GRM1: variants seen among roughly 807,000 people sequenced by gnomAD.
The protein encoded by GRM1 is glutamate metabotropic receptor 1.
Under a neutral mutation model 90.9 loss-of-function variants are expected in GRM1, and 33 were observed. The ratio of observed to expected loss-of-function variants is 0.36; its 90% CI spans 0.28 to 0.49. GRM1 has a LOEUF of 0.49. Ranked by LOEUF, GRM1 falls within the 20% of genes least tolerant of loss-of-function variation. The pLI is 0.99. For synonymous variants in GRM1, 700 were observed against 613.2 expected, an observed-to-expected ratio of 1.14 and a Z score of -2.09; for missense variants, 1,190 against 1,534.3, an observed-to-expected ratio of 0.78 and a Z score of 3.75.
At chr6:146,152,536 A>T (rs1379541244) in intron 1 of GRM1, among the ~76,000 whole-genome samples, 8 of 152,082 alleles carry the variant, frequency 5.3e-5, no homozygotes, top group Non-Finnish European at 1.2e-4. Context: ...CTTCCAATTA[A>T]GATCCTAGAT....
chr6:146,336,365 C>A (rs1446022770), intron 3 of GRM1, among the ~76,000 whole-genome samples: 1 of 152,166 alleles, frequency 6.6e-6, no homozygotes, highest in Non-Finnish European at 1.5e-5. Flanking sequence ...AATGTCTCAG[C>A]TGGAGAGAAG....
chr6:146,082,395 A>G (rs1251720533), intron 1 of GRM1, among the ~76,000 whole-genome samples: 3 of 152,134 alleles, frequency 2.0e-5, no homozygotes, highest in African/African-American at 7.2e-5. Context: ...ACCTCAGTTG[A>G]TCCACCTGCC....
At chr6:146,292,150 T>C (rs995845735) in intron 2 of GRM1, among the ~76,000 whole-genome samples, 1 of 152,044 alleles carries the variant, frequency 6.6e-6, no homozygotes. Flanking sequence ...CAAAAATTAA[T>C]TCAGTATAAC....
chr6:146,289,347 TA>T (rs1361151980), intron 2 of GRM1, among the ~76,000 whole-genome samples: 1 of 152,104 alleles, frequency 6.6e-6, no homozygotes, highest in Non-Finnish European at 1.5e-5. Context: ...TTAAAAAGTT[TA>T]AAAAGTGACG....
intron 1 of GRM1, among the ~76,000 whole-genome samples, chr6:146,146,410 TA>T (rs943311973): frequency 6.6e-6 from 1 of 152,110 alleles, no homozygotes; most frequent in Non-Finnish European, 1.5e-5. Flanking sequence ...TGAAATTAGA[TA>T]ACCTGCTTTG....
intron 2 of GRM1, among the ~76,000 whole-genome samples, chr6:146,173,875 C>T (rs1256177732): frequency 1.1e-4 from 16 of 151,972 alleles, no homozygotes. Flanking sequence ...CCAAACTGGT[C>T]TCAAACTCCT....
intron 3 of GRM1, among the ~76,000 whole-genome samples, chr6:146,320,445 G>A (rs1784135304): frequency 6.6e-6 from 1 of 152,110 alleles, no homozygotes; most frequent in Non-Finnish European, 1.5e-5. Context: ...TTGTGTCTCT[G>A]CCAGATTTTG....
chr6:146,148,187 G>A (rs1480076231), intron 1 of GRM1, among the ~76,000 whole-genome samples: 1 of 151,962 alleles, frequency 6.6e-6, no homozygotes, highest in Non-Finnish European at 1.5e-5. Flanking sequence ...TGCTTGGCAT[G>A]GCATTCAGTT....
At chr6:146,165,508 T>C (rs1436453125) in intron 2 of GRM1, among the ~76,000 whole-genome samples, 2 of 152,124 alleles carry the variant, frequency 1.3e-5, no homozygotes, top group Admixed American at 6.6e-5. Flanking sequence ...TCTCCAAAAA[T>C]GGATTATAAT....
chr6:146,339,859 C>T (rs1784907970), intron 3 of GRM1, among the ~76,000 whole-genome samples: 1 of 152,194 alleles, frequency 6.6e-6, no homozygotes, highest in African/African-American at 2.4e-5. Context: ...GCTTCTGTAA[C>T]TTGTACCACC....
intron 1 of GRM1, among the ~76,000 whole-genome samples, chr6:146,118,549 G>T (rs946364037): frequency 6.6e-6 from 1 of 152,078 alleles, no homozygotes; most frequent in African/African-American, 2.4e-5. Context: ...CCATTAACTC[G>T]TCATTTACAT....
chr6:146,360,976 T>C (rs908387732), intron 5 of GRM1, among the ~76,000 whole-genome samples: 2 of 152,252 alleles, frequency 1.3e-5, no homozygotes, highest in Admixed American at 1.3e-4. Context: ...CTTGGACTAT[T>C]GGAGGAAGGA....
intron 6 of GRM1, among the ~76,000 whole-genome samples, chr6:146,395,486 C>T (rs1391171807): frequency 3.3e-5 from 5 of 152,036 alleles, no homozygotes; most frequent in Non-Finnish European, 7.4e-5. Context: ...TTAAATGTTA[C>T]ACCACTGGGT....
chr6:146,149,736 GA>G (rs1777251114), intron 1 of GRM1, among the ~76,000 whole-genome samples: 1 of 152,132 alleles, frequency 6.6e-6, no homozygotes, highest in African/African-American at 2.4e-5. Flanking sequence ...AGAGGACAAA[GA>G]TTACTTGGCC....
At chr6:146,106,874 A>T (rs1244126254) in intron 1 of GRM1, among the ~76,000 whole-genome samples, 2 of 152,228 alleles carry the variant, frequency 1.3e-5, no homozygotes, top group Non-Finnish European at 2.9e-5. Flanking sequence ...TAGCATGACG[A>T]TATGCACAGA....
chr6:146,122,172 A>G (rs1217241286), intron 1 of GRM1, among the ~76,000 whole-genome samples: 2 of 152,192 alleles, frequency 1.3e-5, no homozygotes, highest in African/African-American at 4.8e-5. Context: ...ATTTTTGTCT[A>G]GATAAAAATC....
chr6:146,080,760 T>C (rs1301016844), intron 1 of GRM1, among the ~76,000 whole-genome samples: 1 of 152,174 alleles, frequency 6.6e-6, no homozygotes, highest in Non-Finnish European at 1.5e-5. Flanking sequence ...TGTTCCCAAC[T>C]GTGGGTCGGA....
chr6:146,426,506 A>G, intron 7 of GRM1: 1 of 1,544,908 alleles, frequency 6.5e-7, no homozygotes, highest in Non-Finnish European at 8.8e-7. Flanking sequence ...CCATATCTGT[A>G]CACATGTATA....
intron 1 of GRM1, among the ~76,000 whole-genome samples, chr6:146,146,402 A>G (rs531035842): frequency 8.5e-5 from 13 of 152,062 alleles, no homozygotes; most frequent in Non-Finnish European, 1.6e-4. Flanking sequence ...TTGTATCTTG[A>G]AATTAGATAA....
Sources: gnomAD v4.1 joint callset for allele counts (sites outside exome capture counted in the v4.1 genomes callset) on GRCh38, gnomAD v4.1.1 for gene constraint, MANE v1.5 for transcripts, NCBI Gene and HGNC (gene_info 2026-07-23, HGNC 2026-07-21) for gene names.